Variants in PLEKHA5 observed in about 807,000 individuals in gnomAD.
The protein encoded by PLEKHA5 is pleckstrin homology domain containing A5.
PLEKHA5 carries 55 observed loss-of-function variants against 181.9 expected under a neutral mutation model. The ratio of observed to expected loss-of-function variants is 0.30; its 90% CI spans 0.24 to 0.38. The LOEUF (loss-of-function observed/expected upper bound fraction) is 0.38. PLEKHA5 is among the 10% of genes least tolerant of loss of function. The probability of loss-of-function intolerance (pLI) is 1.00; values close to 1 mark genes in which losing one functional copy is unlikely to be tolerated. For synonymous variants in PLEKHA5, 535 were observed against 529.4 expected (o/e 1.01, Z -0.15); for missense variants, 1,432 against 1,549.5 (o/e 0.92, Z 1.27).
At chr12:19,322,195 T>C in intron 18 of PLEKHA5, 115 bp from the exon 19 acceptor site, 1 of 663,458 alleles carries the variant, frequency 1.5e-6, no homozygotes, top group Non-Finnish European at 2.6e-6. Context: ...CTTTGTAAGC[T>C]ATATTTTAAC....
At chr12:19,368,210 G>C (rs1299054908) in intron 30 of PLEKHA5, among the ~76,000 whole-genome samples, 1 of 152,142 alleles carries the variant, frequency 6.6e-6, no homozygotes, top group Non-Finnish European at 1.5e-5. Context: ...GGCAGTATGA[G>C]CTGGGTGCAG....
At chr12:19,334,424 C>T (rs2093153284) in intron 20 of PLEKHA5, among the ~76,000 whole-genome samples, 1 of 152,144 alleles carries the variant, frequency 6.6e-6, no homozygotes, top group African/African-American at 2.4e-5. Context: ...AGGATTCCTA[C>T]CATCCTGAAA....
chr12:19,250,537 T>G (rs2011532), intron 3 of PLEKHA5, among the ~76,000 whole-genome samples: 12,908 of 152,130 alleles, frequency 0.085, 797 homozygotes, highest in African/African-American at 0.18. Context: ...GAGCTGAGAT[T>G]GTGCCATTGC....
intron 3 of PLEKHA5, among the ~76,000 whole-genome samples, chr12:19,219,388 G>T (rs1249037541): frequency 1.3e-5 from 2 of 151,944 alleles, no homozygotes; most frequent in Non-Finnish European, 2.9e-5. Context: ...AATCTTGTAG[G>T]ACTGTATTTA....
chr12:19,309,146 C>T (rs949718404), intron 15 of PLEKHA5, among the ~76,000 whole-genome samples: 6 of 152,082 alleles, frequency 3.9e-5, no homozygotes, highest in East Asian at 1.9e-4. Context: ...TAACTTTGGA[C>T]GGTTATTATG....
At chr12:19,358,565 C>T (rs916983455) in intron 27 of PLEKHA5, 128 bp downstream of exon 27, 4 of 622,280 alleles carry the variant, frequency 6.4e-6, no homozygotes, top group Non-Finnish European at 1.1e-5. Context: ...TTATTTAATT[C>T]TCCTAATAAT....
At chr12:19,311,038 G>C (rs569046319) in intron 15 of PLEKHA5, among the ~76,000 whole-genome samples, 1 of 152,230 alleles carries the variant, frequency 6.6e-6, no homozygotes, top group South Asian at 2.1e-4. Context: ...TAAGACAACA[G>C]TGAAGTTTGT....
intron 3 of PLEKHA5, among the ~76,000 whole-genome samples, chr12:19,145,665 G>GT (rs1248196873): frequency 2.6e-5 from 4 of 152,104 alleles, no homozygotes; most frequent in African/African-American, 9.6e-5. Flanking sequence ...GGACATCGAG[G>GT]TTTTTTCCTA....
chr12:19,203,055 G>A (rs1424552048), intron 3 of PLEKHA5, among the ~76,000 whole-genome samples: 14 of 151,850 alleles, frequency 9.2e-5, no homozygotes, highest in Admixed American at 9.2e-4. Context: ...TGATATATAA[G>A]GATTTAAAAA....
intron 17 of PLEKHA5, among the ~76,000 whole-genome samples, 197 bp downstream of exon 17, chr12:19,320,253 T>C (rs774919507): frequency 1.4e-4 from 21 of 152,096 alleles, no homozygotes; most frequent in Non-Finnish European, 2.5e-4. Flanking sequence ...AGTTTTTTTA[T>C]TAAAATAATG....
chr12:19,157,056 CA>C (rs200353911), intron 3 of PLEKHA5, among the ~76,000 whole-genome samples: 1 of 141,722 alleles, frequency 7.1e-6, no homozygotes, highest in Non-Finnish European at 1.5e-5. Context: ...AATCTGTCTC[CA>C]AAAAAAACCA....
rs536959073 is a variant in PLEKHA5 at position 19,283,756 on chromosome 12, T to C, written c.1779+11T>C. ...GCCCATCACCCTAAGGTAAAATAGC[T>C]GCTGATTTTGTGTTAACTCACTACC... On this transcript the variant is annotated intron_variant, in intron 12 of 31. Coordinates refer to ENST00000429027, the MANE Select transcript of PLEKHA5 (RefSeq NM_001256470.2). The C allele has an allele frequency of 1.2e-5, 19 of 1,558,500 alleles. No homozygotes were observed. In the East Asian group the frequency reaches 3.8e-4, roughly 31 times the overall value.
intron 3 of PLEKHA5, among the ~76,000 whole-genome samples, chr12:19,233,815 T>C (rs369433784): frequency 1.3e-5 from 2 of 152,356 alleles, no homozygotes; most frequent in East Asian, 3.9e-4. Context: ...TAATGAAGCA[T>C]TGTTCTTCAC....
intron 3 of PLEKHA5, among the ~76,000 whole-genome samples, chr12:19,184,276 A>T (rs1302771307): frequency 6.6e-6 from 1 of 152,170 alleles, no homozygotes; most frequent in Non-Finnish European, 1.5e-5. Context: ...GACCTTATTT[A>T]TCAAGCCATA....
intron 3 of PLEKHA5, among the ~76,000 whole-genome samples, chr12:19,176,805 A>G (rs1433609275): frequency 6.6e-6 from 1 of 152,140 alleles, no homozygotes; most frequent in Non-Finnish European, 1.5e-5. Flanking sequence ...ATGTTTTGAA[A>G]TATGTATACA....
At chr12:19,149,052 C>T (rs2039677868) in intron 3 of PLEKHA5, among the ~76,000 whole-genome samples, 1 of 152,144 alleles carries the variant, frequency 6.6e-6, no homozygotes, top group Admixed American at 6.5e-5. Flanking sequence ...CCTTTCTGAC[C>T]TGCTATTTAA....
At chr12:19,187,251 A>G (rs888519590) in intron 3 of PLEKHA5, among the ~76,000 whole-genome samples, 1 of 152,200 alleles carries the variant, frequency 6.6e-6, no homozygotes, top group Non-Finnish European at 1.5e-5. Context: ...TAAAATTTCT[A>G]GATACACTGA....
At chr12:19,234,352 C>T (rs1360311173) in intron 3 of PLEKHA5, among the ~76,000 whole-genome samples, 2 of 152,130 alleles carry the variant, frequency 1.3e-5, no homozygotes, top group Non-Finnish European at 2.9e-5. Context: ...GCTGTTAGGG[C>T]CTTGAGAGCA....
chr12:19,317,147 G>A (rs1294243560), intron 16 of PLEKHA5, among the ~76,000 whole-genome samples: 4 of 152,112 alleles, frequency 2.6e-5, no homozygotes, highest in Admixed American at 6.6e-5. Flanking sequence ...CTGAAGGATC[G>A]CTTGAGGCCA....
Sources: gnomAD v4.1 joint callset for allele counts (sites outside exome capture counted in the v4.1 genomes callset) on GRCh38, gnomAD v4.1.1 for gene constraint, MANE v1.5 for transcripts, NCBI Gene and HGNC (gene_info 2026-07-23, HGNC 2026-07-21) for gene names.